Variants in NEMP2 observed in about 807,000 individuals in gnomAD.
NEMP2 encodes UPF0571 transmembrane protein.
In NEMP2, 53 loss-of-function variants were observed where a neutral mutation model predicts 54.2. The ratio of observed to expected loss-of-function variants is 0.98; its 90% CI spans 0.78 to 1.23. The LOEUF (loss-of-function observed/expected upper bound fraction) is 1.23, where lower values mean the gene tolerates loss of function less well. NEMP2 is among the 50% of genes most tolerant of loss of function. The probability of loss-of-function intolerance (pLI) is 0.00; values close to 1 mark genes in which losing one functional copy is unlikely to be tolerated. For synonymous variants in NEMP2, 197 were observed against 190.3 expected, an observed-to-expected ratio of 1.04 and a Z score of -0.29; for missense variants, 455 against 511.3, an observed-to-expected ratio of 0.89 and a Z score of 1.06.
At chr2:190,606,375 G>A in the NEMP2 span, among the ~76,000 whole-genome samples, 2 of 152,088 alleles carry the variant, frequency 1.3e-5, no homozygotes, top group Non-Finnish European at 2.9e-5. Context: ...TCCTCATTTC[G>A]AACATGAAAA....
chr2:190,511,782 T>A (rs1043225456), intron 7 of NEMP2, among the ~76,000 whole-genome samples: 6 of 151,290 alleles, frequency 4.0e-5, no homozygotes, highest in African/African-American at 1.4e-4. Context: ...TCTCAAACTC[T>A]TGACCTCATG....
chr2:190,576,367 G>A, the NEMP2 span, among the ~76,000 whole-genome samples: 1 of 152,142 alleles, frequency 6.6e-6, no homozygotes, highest in South Asian at 2.1e-4. Context: ...TATCTGAACC[G>A]TATGGTTGGA....
chr2:190,467,105 T>C, the NEMP2 span, among the ~76,000 whole-genome samples: 1 of 152,204 alleles, frequency 6.6e-6, no homozygotes, highest in Admixed American at 6.5e-5. This position sits in a 1 kb window ranked among gnomAD's most constrained non-coding sequence, Gnocchi z 5.5. Flanking sequence ...GGAAAGTGGA[T>C]TACCAACATT....
At chr2:190,452,279 A>G in the NEMP2 span, among the ~76,000 whole-genome samples, 1 of 152,150 alleles carries the variant, frequency 6.6e-6, no homozygotes, top group Non-Finnish European at 1.5e-5. Flanking sequence ...TAACACAACA[A>G]CAACAACAAT....
rs1690261391 is a variant in NEMP2, at chr2:190,508,910, G to A, written c.*279C>T. ...TGCTTACTAGCCCCTTAAGAACAAC[G>A]CCATTCCCCTGTTCCTAATGAAAGC... On this transcript the variant is annotated 3_prime_UTR_variant, in exon 9 of 9. Transcript: ENST00000409150. The surrounding 1 kb of genome is among the most constrained non-coding windows in gnomAD (Gnocchi z 4.3). The A allele has an allele frequency of 2.5e-6, 1 of 399,112 alleles. No individual in the cohort carries two copies. The highest frequency in any genetic ancestry group is 3.3e-5 in the South Asian group (1 of 29,994). The allele number at this position is 399,112 out of a possible 1,614,324, so 24.7% of individuals were successfully genotyped here.
chr2:190,444,572 C>T, the NEMP2 span, among the ~76,000 whole-genome samples: 1,179 of 152,198 alleles, frequency 7.7e-3, 12 homozygotes, highest in African/African-American at 0.026. Flanking sequence ...ATGGTTCCAT[C>T]GAAGTCATCA....
the NEMP2 span, among the ~76,000 whole-genome samples, chr2:190,472,315 T>C: frequency 1.3e-5 from 2 of 152,084 alleles, no homozygotes; most frequent in African/African-American, 2.4e-5. Flanking sequence ...TTCAAACCCA[T>C]GGCAAAGAAG....
chr2:190,450,020 T>C, the NEMP2 span, among the ~76,000 whole-genome samples: 1 of 151,550 alleles, frequency 6.6e-6, no homozygotes, highest in Non-Finnish European at 1.5e-5. Flanking sequence ...ATAATAATAA[T>C]AAAATAAAAT....
At chr2:190,491,247 G>T in the NEMP2 span, among the ~76,000 whole-genome samples, 2 of 152,190 alleles carry the variant, frequency 1.3e-5, no homozygotes, top group Non-Finnish European at 2.9e-5. The surrounding 1 kb of genome is among the most constrained non-coding windows in gnomAD (Gnocchi z 4.2). Context: ...CTGTTATTGG[G>T]AAAATGGCAA....
At chr2:190,634,391 ATTAT>A in the NEMP2 span, among the ~76,000 whole-genome samples, 15 of 152,288 alleles carry the variant, frequency 9.8e-5, no homozygotes, top group African/African-American at 3.4e-4. The surrounding 1 kb of genome is among the most constrained non-coding windows in gnomAD (Gnocchi z 6.8). Context: ...TGTTTGTTTA[ATTAT>A]TTAAGAATAT....
At chr2:190,584,389 C>T in the NEMP2 span, among the ~76,000 whole-genome samples, 1 of 152,048 alleles carries the variant, frequency 6.6e-6, no homozygotes, top group African/African-American at 2.4e-5. The surrounding 1 kb of genome is among the most constrained non-coding windows in gnomAD (Gnocchi z 4.2). Context: ...CAAATAGTGC[C>T]GCAAATCTCA....
chr2:190,479,131 C>T, the NEMP2 span, among the ~76,000 whole-genome samples: 1 of 152,158 alleles, frequency 6.6e-6, no homozygotes, highest in Non-Finnish European at 1.5e-5. Flanking sequence ...TCCTCTTCCC[C>T]AGGCCTATAG....
the NEMP2 span, among the ~76,000 whole-genome samples, chr2:190,439,894 G>T: frequency 6.6e-6 from 1 of 152,220 alleles, no homozygotes; most frequent in Non-Finnish European, 1.5e-5. The surrounding 1 kb of genome is among the most constrained non-coding windows in gnomAD (Gnocchi z 5.8). Context: ...GAATGGATCT[G>T]TTCCTTTTAG....
chr2:190,647,710 C>CTT, the NEMP2 span, among the ~76,000 whole-genome samples: 54,540 of 102,648 alleles, frequency 0.53, 15,409 homozygotes, highest in South Asian at 0.63. Context: ...TCTTCTTCTT[C>CTT]TTTTTTTTTT....
chr2:190,474,313 C>A, the NEMP2 span, among the ~76,000 whole-genome samples: 346 of 151,678 alleles, frequency 2.3e-3, no homozygotes, highest in Non-Finnish European at 3.5e-3. Context: ...ATTGATAGAC[C>A]GCTAGCAAGA....
chr2:190,440,930 T>C, the NEMP2 span, among the ~76,000 whole-genome samples: 2 of 152,116 alleles, frequency 1.3e-5, 1 homozygote, highest in South Asian at 4.1e-4. Context: ...CCAGAACAGA[T>C]AGCAAGATGC....
chr2:190,465,022 T>C, the NEMP2 span: 1 of 602,926 alleles, frequency 1.7e-6, no homozygotes, highest in East Asian at 1.4e-4. This position sits in a 1 kb window ranked among gnomAD's most constrained non-coding sequence, Gnocchi z 4.6. Context: ...ATTCATTGTA[T>C]CTATATCTTG....
chr2:190,574,771 C>G, the NEMP2 span, among the ~76,000 whole-genome samples: 36,868 of 114,616 alleles, frequency 0.32, 5,887 homozygotes, highest in Admixed American at 0.51. Flanking sequence ...TCCTTCCCTC[C>G]CTTCCCTCCT....
At chr2:190,646,366 C>T in the NEMP2 span, among the ~76,000 whole-genome samples, 11 of 151,980 alleles carry the variant, frequency 7.2e-5, no homozygotes, top group Non-Finnish European at 1.2e-4. Flanking sequence ...GTGCTGGAGT[C>T]GGGAGGAGGT....
Sources: allele counts gnomAD v4.1 joint callset (sites outside exome capture counted in the v4.1 genomes callset), GRCh38; gene constraint gnomAD v4.1.1; non-coding constraint Gnocchi (gnomAD v3.1); transcripts MANE v1.5; gene names NCBI Gene and HGNC (gene_info 2026-07-23, HGNC 2026-07-21).